The following USH1C variants were observed in gnomAD, a reference collection of about 807,000 sequenced individuals.
USH1C encodes harmonin.
USH1C carries 90 observed loss-of-function variants against 119.3 expected under a neutral mutation model. That is an observed-to-expected ratio of 0.75 (90% CI 0.64 to 0.90). USH1C has a LOEUF of 0.90. USH1C is among the 40% of genes least tolerant of loss of function. The pLI is 0.00. For missense variants in USH1C, 1,165 were observed against 1,167.7 expected (o/e 1.00, Z 0.03); for synonymous variants, 465 against 443.3 (o/e 1.05, Z -0.62).
Position 17,527,043 on chromosome 11 carries a change from G to A in USH1C, c.497-3C>T. 6.4e-7 allele frequency: 1 copy of A among 1,554,722 alleles called. No homozygotes were observed. On this transcript the variant is annotated splice_polypyrimidine_tract_variant and splice_region_variant and intron_variant, in intron 5 of 26. Transcript: ENST00000005226. ...TTTCACGGGGATCAGGCCGATGTCT[G>A]CGGGAGAAAGGCACAGGGGTTAGGA...
chr11:17,497,199 C>G (rs907799507), intron 24 of USH1C, among the ~76,000 whole-genome samples: 1 of 152,170 alleles, frequency 6.6e-6, no homozygotes, highest in Non-Finnish European at 1.5e-5. Context: ...GTAATTCCGA[C>G]GCACTTTCTG....
At position 17,531,054 on chromosome 11, in the gene USH1C, G is replaced by A. The variant is rs544517042; in HGVS notation, c.387+100C>T. ...CTTCTTCACCCGAAGGCTCAGAAAA[G>A]TGGGTGACCATGTTGTGCCACACAG... On this transcript the variant is annotated intron_variant, in intron 4 of 26. Coordinates refer to ENST00000005226, the MANE Select transcript of USH1C (RefSeq NM_153676.4). This position sits in a 1 kb window ranked among gnomAD's most constrained non-coding sequence, Gnocchi z 4.2. 69 of 1,579,334 alleles carry A rather than the reference G, an allele frequency of 4.4e-5. No individual in the cohort carries two copies. In the African/African-American group the frequency reaches 8.7e-4, roughly 20 times the overall value.
chr11:17,517,295 C>T lies in USH1C; in HGVS notation c.1211-1005G>A, dbSNP rs557744132. On this transcript the variant is annotated intron_variant, in intron 14 of 26. Coordinates refer to ENST00000005226, the MANE Select transcript of USH1C (RefSeq NM_153676.4). ...GGAGCTTTACAGACTCTATTGGCCCCCACACATGCTGGGCCCCTGAAGCTG... is the reference window on the plus strand; with the variant it reads ...GGAGCTTTACAGACTCTATTGGCCCTCACACATGCTGGGCCCCTGAAGCTG... 3.6e-5 allele frequency: 42 copies of T among 1,172,740 alleles called. No individual in the cohort carries two copies. The South Asian group carries it at 5.1e-4, about 14-fold the overall frequency. The allele number at this position is 1,172,740 out of a possible 1,614,324, so 72.6% of individuals were successfully genotyped here.
rs1431871453 is a variant in USH1C, at chr11:17,498,250, T to C, written c.2402A>G (p.Glu801Gly). The C allele has an allele frequency of 5.0e-6, 8 of 1,614,210 alleles. No individual in the cohort carries two copies. The highest frequency in any genetic ancestry group is 6.8e-6 in the Non-Finnish European group (8 of 1,180,024). ...AATCTTGCCGTTGATTGCCATGATC[T>C]CGTCCCCTTTCACAATGCCACCTGC... The part of the protein sequence containing the change: ...ERHGGIVKGD[E>G]IMAINGKIVT... The change falls in exon 24 of 27, where the codon GAG (glutamate) becomes GGG (glycine). Residue 801 changes from glutamate to glycine, a missense_variant. Glu to Gly is a moderately conservative substitution (Grantham distance 98). Coordinates refer to ENST00000005226, the MANE Select transcript of USH1C (RefSeq NM_153676.4).
chr11:17,534,975 CCCA>C (rs1851175442), intron 1 of USH1C, among the ~76,000 whole-genome samples: 1 of 151,922 alleles, frequency 6.6e-6, no homozygotes, highest in African/African-American at 2.4e-5. Flanking sequence ...GCCTTTCGCA[CCCA>C]CCACCTCTGA....
intron 18 of USH1C, 150 bp downstream of exon 18, chr11:17,509,206 C>A: frequency 9.0e-7 from 1 of 1,108,238 alleles, no homozygotes; most frequent in East Asian, 2.6e-5. Context: ...AGGATGTCCA[C>A]ACATGCACAC....
At chr11:17,534,613 G>A (rs1183576206) in intron 1 of USH1C, among the ~76,000 whole-genome samples, 1 of 152,182 alleles carries the variant, frequency 6.6e-6, no homozygotes, top group Non-Finnish European at 1.5e-5. Flanking sequence ...GGTGGCTCAC[G>A]CCTATAATCC....
Position 17,531,679 on chromosome 11 carries a change from CTCT to C in USH1C, c.105-140_105-138del. On this transcript the variant is annotated intron_variant, in intron 2 of 26. Transcript: ENST00000005226. The surrounding 1 kb of genome is among the most constrained non-coding windows in gnomAD (Gnocchi z 4.2). ...TAGACCACTCCTGAAAAGCCCAGAG[CTCT>C]TCACACCGGGCCAGTGCCTGAGAAG... The C allele has an allele frequency of 8.9e-7, 1 of 1,123,076 alleles. No homozygotes were observed. Among genetic ancestry groups the C allele is most frequent in the South Asian group, 1.4e-5 (1 of 72,592 alleles). 69.6% of individuals were successfully genotyped at this position (1,123,076 alleles called of 1,614,324 possible). A position where few individuals can be genotyped will look rare whatever the true frequency, so the allele number is the denominator to read the frequency against.
At position 17,531,109 on chromosome 11, in the gene USH1C, G is replaced by T; in HGVS notation, c.387+45C>A. ...GTGGATGAATGAGGGGGAGGCAGGAGGTCCGAGGCCCTCGCTCCCCCTCCC... is the reference window on the plus strand; with the variant it reads ...GTGGATGAATGAGGGGGAGGCAGGATGTCCGAGGCCCTCGCTCCCCCTCCC... On this transcript the variant is annotated intron_variant, in intron 4 of 26. Coordinates refer to ENST00000005226, the MANE Select transcript of USH1C (RefSeq NM_153676.4). The surrounding 1 kb of genome is among the most constrained non-coding windows in gnomAD (Gnocchi z 4.2). 1 of 1,612,680 alleles carries T rather than the reference G, an allele frequency of 6.2e-7. No homozygotes were observed. Among genetic ancestry groups the T allele is most frequent in the Non-Finnish European group, 8.5e-7 (1 of 1,179,638 alleles).
chr11:17,505,884 C>A lies in USH1C; in HGVS notation c.2079G>T (p.Met693Ile). Residue 693 changes from methionine (M) to isoleucine (I), a missense_variant, in exon 19 of 27, where the codon ATG becomes ATT. Met to Ile is a conservative substitution (Grantham distance 10). Coordinates refer to ENST00000005226, the MANE Select transcript of USH1C (RefSeq NM_153676.4). ...AGATGAAATTGGGCTCCTGGTGGAC[C>A]ATGACAGGTTTGGAGATGGTGGACA... Reference protein sequence around the residue: ...PGVSTISKPVMVHQEPNFIYR... With the variant: ...PGVSTISKPVIVHQEPNFIYR... 6.2e-7 allele frequency: 1 copy of A among 1,614,156 alleles called. No homozygotes were observed. The highest frequency in any genetic ancestry group is 8.5e-7 in the Non-Finnish European group (1 of 1,180,026).
rs776853133 is a variant in USH1C at position 17,509,704 on chromosome 11, G to T, written c.1665C>A (p.Pro555=). Residue 555 remains proline, a synonymous_variant, in exon 18 of 27, where the codon CCC becomes CCA. Transcript: ENST00000005226. ...TCACAGGCAAGGCAGAGGGAGTCTT[G>T]GGGGGATAGTAGAACATGTCCAAAG... ...DIPLDMFYYP[P]KTPSALPVMP... is the part of the protein sequence containing the mutation. 6.2e-6 allele frequency: 10 copies of T among 1,600,126 alleles called. No individual in the cohort carries two copies. In the East Asian group the frequency reaches 1.3e-4, roughly 21 times the overall value.
At chr11:17,520,315 C>G (rs1023328950) in intron 14 of USH1C, among the ~76,000 whole-genome samples, 1 of 152,098 alleles carries the variant, frequency 6.6e-6, no homozygotes, top group African/African-American at 2.4e-5. Flanking sequence ...AGCCACAGCC[C>G]ATAGCTGGGT....
At chr11:17,510,229 C>T (rs1345700662) in intron 17 of USH1C, among the ~76,000 whole-genome samples, 176 bp downstream of exon 17, 1 of 152,098 alleles carries the variant, frequency 6.6e-6, no homozygotes, top group Non-Finnish European at 1.5e-5. Context: ...CCCAGAAATA[C>T]AGACATATCC....
In USH1C at chr11:17,531,348, C is replaced by G; in HGVS notation, c.248+51G>C. ...AGCTTGGCTGCCAGCACTGCCCCGC[C>G]CAGGGTGATCTCTCCACCCCCTGCC... On this transcript the variant is annotated intron_variant, in intron 3 of 26. Coordinates refer to ENST00000005226, the MANE Select transcript of USH1C (RefSeq NM_153676.4). The surrounding 1 kb of genome is among the most constrained non-coding windows in gnomAD (Gnocchi z 4.2). 5 of 1,613,924 alleles carry G rather than the reference C, an allele frequency of 3.1e-6. No homozygotes were observed. Among genetic ancestry groups the G allele is most frequent in the Non-Finnish European group, 4.2e-6 (5 of 1,179,922 alleles).
chr11:17,511,119 T>C (rs193289923), intron 16 of USH1C, among the ~76,000 whole-genome samples: 3 of 152,266 alleles, frequency 2.0e-5, no homozygotes, highest in Admixed American at 2.0e-4. Flanking sequence ...TCACCTAGCA[T>C]AGGAATTATT....
At chr11:17,496,907 G>C in intron 24 of USH1C, 94 bp from the exon 25 acceptor site, 1 of 1,467,134 alleles carries the variant, frequency 6.8e-7, no homozygotes, top group Non-Finnish European at 9.4e-7. Context: ...CCATGGCCTA[G>C]GATCAGCCAG....
Position 17,523,440 on chromosome 11 carries a change from G to A in USH1C, c.798C>T (p.Phe266=), listed in dbSNP as rs762028402. 2.0e-5 allele frequency: 33 copies of A among 1,614,234 alleles called. 1 individual carries two copies. The South Asian group carries it at 3.3e-4, about 16-fold the overall frequency. ...TCACCTCCTTGTGATCCAGGTTAGA[G>A]AAGTCGACGCCATTGACTTCGACAA... ...DQIVEVNGVD[F]SNLDHKEAVN... Residue 266 remains phenylalanine, a synonymous_variant, in exon 10 of 27, where the codon TTC becomes TTT. Transcript: ENST00000005226.
intron 13 of USH1C, 111 bp from the exon 14 acceptor site, chr11:17,521,105 T>A (rs1414550965): frequency 1.8e-5 from 26 of 1,450,636 alleles, no homozygotes; most frequent in Non-Finnish European, 2.4e-5. Flanking sequence ...GTTCTAGTCA[T>A]GATGAATCAA....
rs150038913 is a variant in USH1C at position 17,510,448 on chromosome 11, G to A, written c.1487C>T (p.Thr496Met). The A allele has an allele frequency of 9.0e-5, 145 of 1,612,886 alleles. No individual in the cohort carries two copies. Among genetic ancestry groups the A allele is most frequent in the Non-Finnish European group, 1.0e-4 (121 of 1,179,876 alleles). The stretch of plus-strand genomic sequence containing the variant: ...AGCAGAGGAAATCTGCTCGAGGCGC[G>A]TTTGACAGAGCCTCTCCACCCAATA... ...IQYWVERLCQ[T>M]RLEQISSADN... Residue 496 changes from threonine to methionine, a missense_variant, in exon 17 of 27, where the codon ACG becomes ATG. Coordinates refer to ENST00000005226, the MANE Select transcript of USH1C (RefSeq NM_153676.4).
Sources: gnomAD v4.1 joint callset for allele counts (sites outside exome capture counted in the v4.1 genomes callset) on GRCh38, gnomAD v4.1.1 for gene constraint, Gnocchi (gnomAD v3.1) non-coding constraint, MANE v1.5 for transcripts, NCBI Gene and HGNC (gene_info 2026-07-23, HGNC 2026-07-21) for gene names.